Variants in CDON observed in about 807,000 individuals in gnomAD.
CDON encodes the protein cell adhesion associated, oncogene regulated, also known as cell adhesion molecule-related/down-regulated by oncogenes.
A neutral mutation model predicts 120.9 loss-of-function variants in CDON; 73 were observed. That is an observed-to-expected ratio of 0.60 (90% CI 0.50 to 0.73). CDON has a LOEUF of 0.73. Among genes scored for constraint, CDON ranks in the 30% least tolerant of loss-of-function variants. The probability of loss-of-function intolerance (pLI) is 0.00; values close to 1 mark genes in which losing one functional copy is unlikely to be tolerated. For synonymous variants in CDON, 566 were observed against 573.5 expected (o/e 0.99, Z 0.19); for missense variants, 1,470 against 1,587.3 (o/e 0.93, Z 1.26).
At chr11:125,969,869 G>A (rs560640) in intron 18 of CDON, among the ~76,000 whole-genome samples, 28,484 of 152,150 alleles carry the variant, frequency 0.19, 3,001 homozygotes, top group African/African-American at 0.28. Flanking sequence ...ATAGAAGATT[G>A]GAAGAGTAGT....
chr11:125,999,284 G>C (rs1379778638), intron 11 of CDON, among the ~76,000 whole-genome samples: 1 of 152,158 alleles, frequency 6.6e-6, no homozygotes, highest in Non-Finnish European at 1.5e-5. Context: ...GAAAGTTATT[G>C]GGGAAAATGT....
intron 15 of CDON, among the ~76,000 whole-genome samples, chr11:125,987,912 A>G (rs963252748): frequency 6.6e-6 from 1 of 152,234 alleles, no homozygotes; most frequent in Non-Finnish European, 1.5e-5. Flanking sequence ...CACATGGTTT[A>G]GAGTTTAAAA....
rs11607720 is a variant in CDON at position 125,979,032 on chromosome 11, T to G, written c.3277-649A>C. 7.6e-3 allele frequency among the ~76,000 whole-genome samples: 1,160 copies of G among 152,316 alleles called. 6 individuals are homozygous for G. The highest frequency in any genetic ancestry group is 0.013 in the Non-Finnish European group (877 of 68,028). ...ATGCCCAGATTAACACATACCTCAT[T>G]GTAAAATGTTCACTTGACAGACAGC... On this transcript the variant is annotated intron_variant, in intron 17 of 19. Transcript: ENST00000531738.
chr11:125,988,124 C>T (rs78751798), intron 15 of CDON, among the ~76,000 whole-genome samples: 2,595 of 152,248 alleles, frequency 0.017, 86 homozygotes, highest in African/African-American at 0.06. Flanking sequence ...TCTACCTCAA[C>T]CCCACAGAAC....
At chr11:126,045,560 G>A (rs1179960148) in intron 1 of CDON, among the ~76,000 whole-genome samples, 1 of 151,788 alleles carries the variant, frequency 6.6e-6, no homozygotes, top group Non-Finnish European at 1.5e-5. Context: ...TTGGAAATTC[G>A]TTTTAGTTTT....
intron 1 of CDON, among the ~76,000 whole-genome samples, chr11:126,038,468 A>G (rs1363196764): frequency 6.6e-6 from 1 of 152,122 alleles, no homozygotes; most frequent in Non-Finnish European, 1.5e-5. Context: ...CCTGGCCAAC[A>G]TGGTGAAAAC....
At chr11:126,032,602 A>G (rs1257058654) in intron 1 of CDON, among the ~76,000 whole-genome samples, 1 of 152,204 alleles carries the variant, frequency 6.6e-6, no homozygotes, top group Non-Finnish European at 1.5e-5. Flanking sequence ...ACAGTTGAGG[A>G]TAAGAGAAGT....
chr11:126,058,355 A>G (rs934983690), intron 1 of CDON, among the ~76,000 whole-genome samples: 1 of 152,196 alleles, frequency 6.6e-6, no homozygotes, highest in Admixed American at 6.5e-5. Context: ...AAGCGACTAA[A>G]CAGCTGTGAA....
chr11:126,036,864 C>A (rs1451734289), intron 1 of CDON, among the ~76,000 whole-genome samples: 1 of 152,084 alleles, frequency 6.6e-6, no homozygotes, highest in Non-Finnish European at 1.5e-5. Context: ...GATTCTTCCA[C>A]TTTTTGTAGA....
chr11:126,006,173 G>T, intron 8 of CDON, 116 bp from the exon 9 acceptor site: 1 of 857,578 alleles, frequency 1.2e-6, no homozygotes, highest in Non-Finnish European at 1.9e-6. Flanking sequence ...AGCCCCAGAA[G>T]TTAAAACGGG....
chr11:126,025,531 G>T (rs12273406), intron 1 of CDON, among the ~76,000 whole-genome samples: 311 of 150,636 alleles, frequency 2.1e-3, no homozygotes, highest in African/African-American at 6.4e-3. Flanking sequence ...GTTTGTGGGG[G>T]GTGTGTGTGT....
chr11:126,044,014 T>C (rs1948335528), intron 1 of CDON, among the ~76,000 whole-genome samples: 1 of 152,190 alleles, frequency 6.6e-6, no homozygotes, highest in South Asian at 2.1e-4. Flanking sequence ...AGAGATGACA[T>C]CTGAAGGCCA....
chr11:125,973,387 C>A (rs1378731601), intron 18 of CDON, among the ~76,000 whole-genome samples: 1 of 152,130 alleles, frequency 6.6e-6, no homozygotes, highest in East Asian at 1.9e-4. Context: ...AAAAAATTAG[C>A]CGGGCGTGGT....
intron 1 of CDON, among the ~76,000 whole-genome samples, chr11:126,060,395 G>A (rs1167962935): frequency 1.3e-5 from 2 of 152,074 alleles, no homozygotes; most frequent in Admixed American, 6.5e-5. Flanking sequence ...ATCACAAGGC[G>A]CTGGCTCATA....
intron 9 of CDON, 132 bp downstream of exon 9, chr11:126,005,627 C>G: frequency 2.4e-6 from 2 of 833,720 alleles, no homozygotes; most frequent in Non-Finnish European, 4.0e-6. Flanking sequence ...TGGGATCTCT[C>G]TGACAAACTC....
At chr11:126,051,424 A>T (rs1948555015) in intron 1 of CDON, among the ~76,000 whole-genome samples, 1 of 152,194 alleles carries the variant, frequency 6.6e-6, no homozygotes, top group Non-Finnish European at 1.5e-5. Context: ...ACCAAGGTTC[A>T]CATTTAGAAA....
At chr11:126,029,995 T>C (rs1213588683) in intron 1 of CDON, among the ~76,000 whole-genome samples, 3 of 152,158 alleles carry the variant, frequency 2.0e-5, no homozygotes, top group Non-Finnish European at 2.9e-5. Context: ...GGCTCCCCAG[T>C]CTCATGTGGC....
chr11:125,994,780 T>A, intron 13 of CDON, 91 bp downstream of exon 13: 1 of 1,143,738 alleles, frequency 8.7e-7, no homozygotes, highest in Non-Finnish European at 1.3e-6. Flanking sequence ...AGTTCAAAAT[T>A]TGCTGTTTAC....
intron 12 of CDON, among the ~76,000 whole-genome samples, chr11:125,996,960 T>C (rs1455529780): frequency 6.6e-6 from 1 of 152,076 alleles, no homozygotes. Flanking sequence ...GCAAATTGCA[T>C]GAGCCCAGGA....
Sources: allele counts gnomAD v4.1 joint callset (sites outside exome capture counted in the v4.1 genomes callset), GRCh38; gene constraint gnomAD v4.1.1; transcripts MANE v1.5; gene names NCBI Gene and HGNC (gene_info 2026-07-23, HGNC 2026-07-21).